The following PLAT variants were observed in gnomAD, a reference collection of about 807,000 sequenced individuals.
PLAT encodes plasminogen activator, tissue type, also known as tissue-type plasminogen activator.
A neutral mutation model predicts 74.9 loss-of-function variants in PLAT; 48 were observed. That is an observed-to-expected ratio of 0.64 (90% CI 0.51 to 0.82). The LOEUF is 0.82. PLAT is among the 40% of genes least tolerant of loss of function. The pLI is 0.00. For missense variants in PLAT, 673 were observed against 736.2 expected (o/e 0.91, Z 0.99); for synonymous variants, 307 against 294.4 (o/e 1.04, Z -0.44).
chr8:42,185,446 TAG>T (rs1805416986), intron 6 of PLAT: 3 of 241,028 alleles, frequency 1.2e-5, no homozygotes, highest in African/African-American at 2.3e-5. Flanking sequence ...GTATTTTTAG[TAG>T]AGACAGGGTT....
chr8:42,197,868 C>T (rs1292396844), intron 1 of PLAT, among the ~76,000 whole-genome samples: 1 of 152,184 alleles, frequency 6.6e-6, no homozygotes, highest in Non-Finnish European at 1.5e-5. Context: ...GGCATAAAAT[C>T]TCCTGCCAGC....
In PLAT at chr8:42,188,985, A is replaced by T; in HGVS notation, c.202T>A (p.Tyr68Asn). The T allele has an allele frequency of 6.2e-7, 1 of 1,614,114 alleles. No homozygotes were observed. The highest frequency in any genetic ancestry group is 8.5e-7 in the Non-Finnish European group (1 of 1,179,994). The change falls in exon 4 of 14, where the codon TAT (tyrosine) becomes AAT (asparagine). Residue 68 changes from tyrosine to asparagine, a missense_variant. By Grantham distance (143) the Tyr-to-Asn change is moderately radical. Transcript: ENST00000220809. ...RPVLRSNRVE[Y>N]CWCNSGRAQC... ...GCCCTGCCACTGTTGCACCAGCAAT[A>T]TTCCACCCGGTTGCTTCTGAGCACA... is the stretch of plus-strand genomic sequence containing the variant.
At position 42,174,840 on chromosome 8, in the gene PLAT, CCT is replaced by C. The variant is rs1804902208; in HGVS notation, c.*1151_*1152del. ...CTCAACTCATTTCTCCCTGTACTCC[CCT>C]CTCTTGGCCCTCTACATATTCATAC... On this transcript the variant is annotated 3_prime_UTR_variant, in exon 14 of 14. Coordinates refer to ENST00000220809, the MANE Select transcript of PLAT (RefSeq NM_000930.5). Among the ~76,000 whole-genome samples, 1 of 152,124 alleles carries C rather than the reference CCT, an allele frequency of 6.6e-6. No homozygotes were observed. The highest frequency in any genetic ancestry group is 1.5e-5 in the Non-Finnish European group (1 of 68,030).
At chr8:42,178,872 G>T in intron 13 of PLAT, 25 bp downstream of exon 13, 1 of 1,609,844 alleles carries the variant, frequency 6.2e-7, no homozygotes, top group South Asian at 1.1e-5. Flanking sequence ...GTTGTGCCCA[G>T]CATGGGCGCG....
At chr8:42,185,295 C>A in intron 6 of PLAT, 123 bp from the exon 7 acceptor site, 1 of 520,286 alleles carries the variant, frequency 1.9e-6, no homozygotes, top group South Asian at 2.9e-5. Flanking sequence ...GACAGAGTCT[C>A]GCTGTTTATC....
At chr8:42,205,795 T>C (rs1806309559) in intron 1 of PLAT, among the ~76,000 whole-genome samples, 1 of 152,244 alleles carries the variant, frequency 6.6e-6, no homozygotes, top group African/African-American at 2.4e-5. Flanking sequence ...ACCTTGGACA[T>C]ATGTCCTCAG....
intron 8 of PLAT, 98 bp downstream of exon 8, chr8:42,182,621 G>C: frequency 1.2e-6 from 1 of 858,524 alleles, no homozygotes; most frequent in Non-Finnish European, 1.8e-6. Context: ...CCACGCACTG[G>C]GTCTGTCATG....
At chr8:42,178,795 ACTCCACT>A in intron 13 of PLAT, 95 bp downstream of exon 13, 3 of 1,118,496 alleles carry the variant, frequency 2.7e-6, no homozygotes, top group Non-Finnish European at 3.9e-6. Context: ...AGAGGAAATC[ACTCCACT>A]CTGGTGATAA....
chr8:42,183,175 G>T (rs1244470557), intron 7 of PLAT, among the ~76,000 whole-genome samples: 2 of 152,122 alleles, frequency 1.3e-5, no homozygotes, highest in African/African-American at 4.8e-5. Flanking sequence ...CGCTAATTTT[G>T]TATTTTTAGT....
At chr8:42,180,208 G>A (rs1185508914) in intron 11 of PLAT, 34 bp downstream of exon 11, 1 of 1,613,106 alleles carries the variant, frequency 6.2e-7, no homozygotes, top group Non-Finnish European at 8.5e-7. Flanking sequence ...TGTGTGATCT[G>A]TATGAACTGG....
chr8:42,202,080 C>T (rs904810101), intron 1 of PLAT, among the ~76,000 whole-genome samples: 7 of 152,086 alleles, frequency 4.6e-5, no homozygotes, highest in African/African-American at 9.7e-5. Context: ...AGTGCAGTGG[C>T]GTGATCACAG....
chr8:42,189,391 G>C (rs1018070894), intron 3 of PLAT, among the ~76,000 whole-genome samples: 2 of 151,664 alleles, frequency 1.3e-5, no homozygotes, highest in African/African-American at 4.8e-5. Context: ...GGTGGCAGGT[G>C]CCTGTAATCC....
chr8:42,180,578 T>G lies in PLAT; in HGVS notation c.997A>C (p.Arg333=), dbSNP rs1191576775. Reference sequence around the variant, plus strand: ...AGGAACCGCTCTCCGGGCGACCTCCTGTGCTTGGCAAAGATGGCAGCCTGC... The same window carrying G: ...AGGAACCGCTCTCCGGGCGACCTCCGGTGCTTGGCAAAGATGGCAGCCTGC... ...PWQAAIFAKH[R]RSPGERFLCG... Residue 333 remains arginine (R), a synonymous_variant, in exon 10 of 14, where the codon AGG becomes CGG. Coordinates refer to ENST00000220809, the MANE Select transcript of PLAT (RefSeq NM_000930.5). 4 of 1,613,878 alleles carry G rather than the reference T, an allele frequency of 2.5e-6. No homozygotes were observed. Among genetic ancestry groups the G allele is most frequent in the Non-Finnish European group, 3.4e-6 (4 of 1,179,860 alleles).
chr8:42,206,330 A>T (rs538091543), intron 1 of PLAT, among the ~76,000 whole-genome samples: 1 of 152,284 alleles, frequency 6.6e-6, no homozygotes, highest in African/African-American at 2.4e-5. Flanking sequence ...TGTCCCTGCC[A>T]GTGCTGGAGT....
At position 42,180,079 on chromosome 8, in the gene PLAT, A is replaced by G. The variant is rs1564126294; in HGVS notation, c.1223-13T>C. On this transcript the variant is annotated splice_polypyrimidine_tract_variant and intron_variant, in intron 11 of 13. Coordinates refer to ENST00000220809, the MANE Select transcript of PLAT (RefSeq NM_000930.5). ...AGCTGCAGCAGCGCTGGGAGGGAGA[A>G]AGGAGGAGTGAGCTGGCGTGAGGGC... 3 of 1,601,236 alleles carry G rather than the reference A, an allele frequency of 1.9e-6. No individual in the cohort carries two copies. Among genetic ancestry groups the G allele is most frequent in the African/African-American group, 2.7e-5 (2 of 74,760 alleles).
intron 13 of PLAT, among the ~76,000 whole-genome samples, chr8:42,177,839 C>T (rs1156791493): frequency 2.0e-5 from 3 of 152,284 alleles, no homozygotes; most frequent in Middle Eastern, 3.4e-3. Flanking sequence ...GGGAAACCGC[C>T]GATATGACTG....
intron 1 of PLAT, among the ~76,000 whole-genome samples, chr8:42,194,852 C>T (rs1805845383): frequency 1.3e-5 from 2 of 149,464 alleles, no homozygotes; most frequent in South Asian, 2.2e-4. Flanking sequence ...GCAGCAGATC[C>T]GGCAATGTGC....
intron 1 of PLAT, chr8:42,206,592 C>G (rs1806348213): frequency 6.6e-6 from 1 of 152,208 alleles, no homozygotes; most frequent in Non-Finnish European, 1.5e-5. Flanking sequence ...CCCAATTGGC[C>G]ACCAAACACA....
At chr8:42,181,680 G>C (rs943850995) in intron 9 of PLAT, among the ~76,000 whole-genome samples, 3 of 152,208 alleles carry the variant, frequency 2.0e-5, no homozygotes, top group African/African-American at 4.8e-5. Context: ...AGAGAGCCGG[G>C]TAGAGCCTAC....
Sources: gnomAD v4.1 joint callset for allele counts (sites outside exome capture counted in the v4.1 genomes callset) on GRCh38, gnomAD v4.1.1 for gene constraint, MANE v1.5 for transcripts, NCBI Gene and HGNC (gene_info 2026-07-23, HGNC 2026-07-21) for gene names.